Variants in PCDHGB1 observed in about 807,000 individuals in gnomAD.
PCDHGB1 encodes the protein protocadherin gamma subfamily B, 1, also known as protocadherin gamma-B1.
PCDHGB1 carries 34 observed loss-of-function variants against 56.6 expected under a neutral mutation model. The ratio of observed to expected loss-of-function variants is 0.60; its 90% CI spans 0.46 to 0.80. PCDHGB1 has a LOEUF of 0.80. PCDHGB1 is among the 30% of genes least tolerant of loss of function. The pLI is 0.00. For missense variants in PCDHGB1, 1,278 were observed against 1,204.6 expected, an observed-to-expected ratio of 1.06 and a Z score of -0.90; for synonymous variants, 561 against 505.9, an observed-to-expected ratio of 1.11 and a Z score of -1.46.
At chr5:141,452,016 A>G (rs988436326) in intron 1 of PCDHGB1, among the ~76,000 whole-genome samples, 5 of 152,084 alleles carry the variant, frequency 3.3e-5, no homozygotes, top group Non-Finnish European at 5.9e-5. Flanking sequence ...TCCAGCCCAC[A>G]CTCTGGGGAG....
At chr5:141,382,654 A>G in intron 1 of PCDHGB1, 1 of 413,618 alleles carries the variant, frequency 2.4e-6, no homozygotes, top group Non-Finnish European at 4.3e-6. Flanking sequence ...CTTAGTAAGG[A>G]CTCACAGCGC....
intron 1 of PCDHGB1, chr5:141,423,721 T>C (rs2096769391): frequency 8.3e-7 from 1 of 1,208,140 alleles, no homozygotes; most frequent in East Asian, 3.8e-5. Flanking sequence ...TTTAAGGAGA[T>C]GTTTTTTGAG....
At chr5:141,391,306 C>CTTTTTTTTTTTT in intron 1 of PCDHGB1, 1 of 146,116 alleles carries the variant, frequency 6.8e-6, no homozygotes. Flanking sequence ...TCTTTCGATT[C>CTTTTTTTTTTTT]TTTTTTTTTT....
chr5:141,510,291 A>AG (rs903726285), intron 3 of PCDHGB1, among the ~76,000 whole-genome samples: 1 of 150,450 alleles, frequency 6.6e-6, no homozygotes, highest in African/African-American at 2.4e-5. Context: ...AAAAAAAAAA[A>AG]TGCTGTTTTG....
At chr5:141,365,131 G>A (rs751303366) in intron 1 of PCDHGB1, 2 of 1,613,854 alleles carry the variant, frequency 1.2e-6, no homozygotes, top group East Asian at 2.2e-5. Flanking sequence ...TAACCGCCAC[G>A]GATCCAGATG....
chr5:141,397,985 C>A (rs1034752721), intron 1 of PCDHGB1: 3 of 1,315,640 alleles, frequency 2.3e-6, no homozygotes, highest in Non-Finnish European at 2.1e-6. Context: ...GGCCTTTACA[C>A]CGCTTCCTCC....
intron 1 of PCDHGB1, chr5:141,394,820 C>T (rs1480144579): frequency 5.6e-6 from 9 of 1,613,748 alleles, no homozygotes; most frequent in African/African-American, 1.3e-5. Flanking sequence ...ACAGCATCCC[C>T]GAAGTCCTGA....
chr5:141,409,825 G>T (rs748261010), intron 1 of PCDHGB1: 8 of 1,610,680 alleles, frequency 5.0e-6, no homozygotes, highest in Admixed American at 3.4e-5. Context: ...GCTCGCCCAC[G>T]CTCAGCGCCA....
chr5:141,408,144 G>T (rs868032463), intron 1 of PCDHGB1: 1 of 1,496,068 alleles, frequency 6.7e-7, no homozygotes, highest in South Asian at 1.3e-5. Context: ...CTTTTAGCGC[G>T]GTAGAGTGCA....
chr5:141,400,803 A>G, intron 1 of PCDHGB1: 1 of 556,958 alleles, frequency 1.8e-6, no homozygotes, highest in South Asian at 2.5e-5. Context: ...CTCAAAGCTA[A>G]TGAATTTTAC....
At position 141,383,863 on chromosome 5, in the gene PCDHGB1, C is replaced by G. The variant is rs768251798; in HGVS notation, c.2409+31194C>G. ...CTTCTATGAAATGGAGGTTCAGGCT[C>G]AAGATGGTCCTGGTAGTCTGACAAA... On this transcript the variant is annotated intron_variant, in intron 1 of 3. Coordinates refer to ENST00000523390, the MANE Select transcript of PCDHGB1 (RefSeq NM_018922.3). 4.3e-6 allele frequency: 7 copies of G among 1,613,772 alleles called. No homozygotes were observed. Among genetic ancestry groups the G allele is most frequent in the African/African-American group, 2.7e-5 (2 of 74,914 alleles).
chr5:141,502,491 T>G lies in PCDHGB1; in HGVS notation c.2469-2902T>G, dbSNP rs557202239. Among the ~76,000 whole-genome samples, 1,415 of 152,344 alleles carry G rather than the reference T, an allele frequency of 9.3e-3. 29 individuals carry two copies. The highest frequency in any genetic ancestry group is 0.033 in the African/African-American group (1,352 of 41,578). ...TCCCGCAGCATCACACTGGGACTCA[T>G]CTAACGTCGGCCTGTCCCACTATCA... is the stretch of plus-strand genomic sequence containing the variant. On this transcript the variant is annotated intron_variant, in intron 2 of 3. Transcript: ENST00000523390.
chr5:141,437,074 A>G (rs1455066447), intron 1 of PCDHGB1, among the ~76,000 whole-genome samples: 1 of 152,250 alleles, frequency 6.6e-6, no homozygotes, highest in Non-Finnish European at 1.5e-5. Flanking sequence ...GGTTTGGGCC[A>G]TATAAGAATT....
intron 1 of PCDHGB1, among the ~76,000 whole-genome samples, chr5:141,363,049 C>G (rs1004145167): frequency 2.6e-5 from 4 of 152,206 alleles, no homozygotes; most frequent in Admixed American, 1.3e-4. Flanking sequence ...AAGACCAACA[C>G]TCAGTAAGCT....
At chr5:141,405,457 T>TC in intron 1 of PCDHGB1, 3 of 1,256,668 alleles carry the variant, frequency 2.4e-6, no homozygotes, top group South Asian at 1.4e-5. Context: ...TCTTACTCTG[T>TC]TACCCAGGCT....
chr5:141,403,419 A>G, intron 1 of PCDHGB1: 1 of 1,614,050 alleles, frequency 6.2e-7, no homozygotes, highest in Non-Finnish European at 8.5e-7. Context: ...CCACTTCCAG[A>G]AGCTATTGAT....
intron 1 of PCDHGB1, chr5:141,361,448 T>C: frequency 6.2e-7 from 1 of 1,614,014 alleles, no homozygotes; most frequent in Non-Finnish European, 8.5e-7. Context: ...AGCATAATTG[T>C]CACCCTGCAC....
intron 1 of PCDHGB1, among the ~76,000 whole-genome samples, chr5:141,456,059 G>A (rs1200043527): frequency 1.3e-5 from 2 of 151,662 alleles, no homozygotes; most frequent in Non-Finnish European, 1.5e-5. Flanking sequence ...CACCACGTCC[G>A]GCTAATTTTT....
intron 1 of PCDHGB1, chr5:141,403,224 A>G (rs753308307): frequency 2.0e-5 from 32 of 1,613,820 alleles, no homozygotes; most frequent in Non-Finnish European, 2.5e-5. Context: ...GGTAGGATAG[A>G]CCGGGAGGAG....
Sources: allele counts gnomAD v4.1 joint callset (sites outside exome capture counted in the v4.1 genomes callset), GRCh38; gene constraint gnomAD v4.1.1; transcripts MANE v1.5; gene names NCBI Gene and HGNC (gene_info 2026-07-23, HGNC 2026-07-21).